PRELID2: variants seen among roughly 807,000 people sequenced by gnomAD.
The protein encoded by PRELID2 is PRELI domain containing 2.
A neutral mutation model predicts 28.4 loss-of-function variants in PRELID2; 25 were observed. That is an observed-to-expected ratio of 0.88 (90% confidence interval 0.64 to 1.23). The LOEUF is 1.23. Among genes scored for constraint, PRELID2 ranks in the 50% most tolerant of loss-of-function variants. The probability of loss-of-function intolerance (pLI) is 0.00; values close to 1 mark genes in which losing one functional copy is unlikely to be tolerated. For synonymous variants in PRELID2, 76 were observed against 71.6 expected (o/e 1.06, Z -0.31); for missense variants, 201 against 214.4 (o/e 0.94, Z 0.39).
chr5:145,680,693 G>A (rs1754915285), intron 1 of PRELID2, among the ~76,000 whole-genome samples: 1 of 152,132 alleles, frequency 6.6e-6, no homozygotes, highest in Admixed American at 6.6e-5. Flanking sequence ...TGATGTTTTT[G>A]GTTCCTGGGT....
At chr5:145,507,353 T>C (rs1368183761) in intron 1 of PRELID2, among the ~76,000 whole-genome samples, 1 of 152,100 alleles carries the variant, frequency 6.6e-6, no homozygotes, top group East Asian at 1.9e-4. Context: ...GGGGAAAAAC[T>C]GCAGATTTGG....
chr5:145,553,282 G>A (rs1025365687), intron 1 of PRELID2, among the ~76,000 whole-genome samples: 1 of 151,540 alleles, frequency 6.6e-6, no homozygotes, highest in African/African-American at 2.4e-5. Context: ...GTACACACAG[G>A]ATCTTTGACA....
chr5:145,800,997 GGATGAACA>G (rs535741225), intron 4 of PRELID2, among the ~76,000 whole-genome samples: 30 of 152,000 alleles, frequency 2.0e-4, no homozygotes, highest in Non-Finnish European at 3.7e-4. Context: ...ACAGACGGAC[GGATGAACA>G]GATGGACAGA....
In PRELID2 at chr5:145,630,530, C is replaced by CA. The variant is rs151183599; in HGVS notation, n.70+134400dup. On this transcript the variant is annotated intron_variant and non_coding_transcript_variant, in intron 1 of 2. Transcript: ENST00000510259. ...GAGTCTGAGTAAACTGTATCAGCAA[C>CA]ATCCCATTAACTGTAAAAGCTGTCT... 6.1e-3 allele frequency among the ~76,000 whole-genome samples: 936 copies of CA among 152,316 alleles called. 20 individuals carry two copies. The highest frequency in any genetic ancestry group is 0.021 in the African/African-American group (879 of 41,566).
the PRELID2 span, among the ~76,000 whole-genome samples, chr5:145,393,510 T>C: frequency 6.6e-6 from 1 of 152,176 alleles, no homozygotes; most frequent in East Asian, 1.9e-4. Context: ...GGCTGACACA[T>C]GGTCTGGTAA....
At chr5:145,286,564 G>C in the PRELID2 span, among the ~76,000 whole-genome samples, 1 of 151,972 alleles carries the variant, frequency 6.6e-6, no homozygotes, top group Non-Finnish European at 1.5e-5. Context: ...ACCCACATAC[G>C]TAACTCCTCT....
chr5:145,487,093 G>C (rs1243115929), intron 1 of PRELID2, among the ~76,000 whole-genome samples: 2 of 128,236 alleles, frequency 1.6e-5, no homozygotes, highest in African/African-American at 5.8e-5. Flanking sequence ...GACTGTGGTG[G>C]GGTGGGGGGA....
At chr5:145,488,072 C>T (rs896081188) in intron 1 of PRELID2, among the ~76,000 whole-genome samples, 1 of 136,168 alleles carries the variant, frequency 7.3e-6, no homozygotes, top group Non-Finnish European at 1.5e-5. Context: ...TGCAGTGAGC[C>T]GAGATCACAC....
At chr5:145,726,900 A>G (rs975000818) in intron 1 of PRELID2, among the ~76,000 whole-genome samples, 2 of 152,212 alleles carry the variant, frequency 1.3e-5, no homozygotes, top group Non-Finnish European at 2.9e-5. Flanking sequence ...GAAGTAAATT[A>G]TAACATTTCA....
chr5:145,452,887 T>G, the PRELID2 span, among the ~76,000 whole-genome samples: 1 of 152,190 alleles, frequency 6.6e-6, no homozygotes, highest in Non-Finnish European at 1.5e-5. Context: ...AGGGGCCATT[T>G]CCTGGGTGAC....
At chr5:145,542,200 A>G (rs1752749562) in intron 1 of PRELID2, among the ~76,000 whole-genome samples, 1 of 151,966 alleles carries the variant, frequency 6.6e-6, no homozygotes, top group African/African-American at 2.4e-5. Context: ...GCTTTCCTGA[A>G]TCCTTTCCCC....
At chr5:145,746,720 C>T (rs188326047) in intron 1 of PRELID2, among the ~76,000 whole-genome samples, 225 of 152,312 alleles carry the variant, frequency 1.5e-3, no homozygotes, top group Non-Finnish European at 2.7e-3. Flanking sequence ...CCCAAATCAA[C>T]AGAATATACA....
chr5:145,742,362 A>T (rs558642660), intron 1 of PRELID2, among the ~76,000 whole-genome samples: 1 of 145,718 alleles, frequency 6.9e-6, no homozygotes, highest in Admixed American at 7.0e-5. Flanking sequence ...ACGCCAGAAA[A>T]CAAAGCTCAA....
At chr5:145,735,274 C>A (rs1252367182) in intron 1 of PRELID2, among the ~76,000 whole-genome samples, 1 of 149,310 alleles carries the variant, frequency 6.7e-6, no homozygotes, top group African/African-American at 2.5e-5. Context: ...TACAATTAGT[C>A]TAACTCATCT....
At chr5:145,729,176 A>T (rs1756262488) in intron 1 of PRELID2, 10 of 671,756 alleles carry the variant, frequency 1.5e-5, no homozygotes, top group Non-Finnish European at 2.6e-5. Context: ...TCAAAGTATC[A>T]TTTGTATCAG....
At chr5:145,750,160 G>A (rs1369023053) in intron 1 of PRELID2, among the ~76,000 whole-genome samples, 6 of 151,702 alleles carry the variant, frequency 4.0e-5, no homozygotes, top group Non-Finnish European at 7.4e-5. Flanking sequence ...TCACCAAGCC[G>A]AGAAGTTGTC....
the PRELID2 span, among the ~76,000 whole-genome samples, chr5:145,317,609 G>C: frequency 2.6e-5 from 4 of 152,140 alleles, no homozygotes; most frequent in Admixed American, 2.6e-4. Flanking sequence ...AAGACTGGGG[G>C]GTGGAGAAAA....
At chr5:145,794,231 C>T (rs1229953999) in intron 5 of PRELID2, among the ~76,000 whole-genome samples, 1 of 152,112 alleles carries the variant, frequency 6.6e-6, no homozygotes, top group Non-Finnish European at 1.5e-5. Context: ...AGAAGGAATA[C>T]CACTTGGTTG....
At chr5:145,690,849 C>T (rs1485463272) in intron 1 of PRELID2, among the ~76,000 whole-genome samples, 1 of 152,034 alleles carries the variant, frequency 6.6e-6, no homozygotes. Context: ...CTAGCAGGAA[C>T]ATGACTTCAC....
Sources: gnomAD v4.1 joint callset for allele counts (sites outside exome capture counted in the v4.1 genomes callset) on GRCh38, gnomAD v4.1.1 for gene constraint, MANE v1.5 for transcripts, NCBI Gene and HGNC (gene_info 2026-07-23, HGNC 2026-07-21) for gene names.